The following CRYBG1 variants were observed in gnomAD, a reference collection of about 807,000 sequenced individuals.
CRYBG1 encodes the protein beta/gamma crystallin domain-containing protein 1.
CRYBG1 carries 139 observed loss-of-function variants against 189.2 expected under a neutral mutation model. That is an observed-to-expected ratio of 0.73 (90% CI 0.64 to 0.85). CRYBG1 has a LOEUF of 0.85. Among genes scored for constraint, CRYBG1 ranks in the 40% least tolerant of loss-of-function variants. CRYBG1 has a pLI of 0.00. For missense variants in CRYBG1, 2,611 were observed against 2,675.8 expected, an observed-to-expected ratio of 0.98 and a Z score of 0.53; for synonymous variants, 1,023 against 1,017.1, an observed-to-expected ratio of 1.01 and a Z score of -0.11.
At chr6:106,557,209 T>C (rs1774568987) in intron 17 of CRYBG1, among the ~76,000 whole-genome samples, 1 of 152,210 alleles carries the variant, frequency 6.6e-6, no homozygotes. Context: ...TTTTGTCTTC[T>C]TTCCTCCATG....
At chr6:106,496,770 T>C (rs1772860167) in intron 2 of CRYBG1, among the ~76,000 whole-genome samples, 1 of 152,222 alleles carries the variant, frequency 6.6e-6, no homozygotes, top group Non-Finnish European at 1.5e-5. Flanking sequence ...TTCTCTGTGA[T>C]ACAAGATAAA....
At chr6:106,471,400 G>A (rs773545343) in intron 2 of CRYBG1, among the ~76,000 whole-genome samples, 1 of 152,192 alleles carries the variant, frequency 6.6e-6, no homozygotes, top group Non-Finnish European at 1.5e-5. Context: ...TTCTTTGCAA[G>A]CATTTCAGAG....
In CRYBG1 at chr6:106,546,262, T is replaced by A. The variant is rs116412662; in HGVS notation, c.5312+1329T>A. On this transcript the variant is annotated intron_variant, in intron 13 of 21. Transcript: ENST00000633556. ...AACAGCAGATGGCTGTTATAGGGAG[T>A]TACATAATTATTCTTGTAATCCAGG... Among the ~76,000 whole-genome samples the A allele has an allele frequency of 5.6e-3, 853 of 152,236 alleles. 8 individuals carry two copies. The highest frequency in any genetic ancestry group is 0.02 in the African/African-American group (819 of 41,526).
At position 106,521,758 on chromosome 6, in the gene CRYBG1, G is replaced by A. The variant is rs563340583; in HGVS notation, c.4245+305G>A. Reference sequence around the variant, plus strand: ...TTTTGAGACAGAGTCTCGCTCTGTCGCCCAGGCTGGAGTGCAGTGGTGCAA... The same window carrying A: ...TTTTGAGACAGAGTCTCGCTCTGTCACCCAGGCTGGAGTGCAGTGGTGCAA... On this transcript the variant is annotated intron_variant, in intron 4 of 21. Transcript: ENST00000633556. Among the ~76,000 whole-genome samples the A allele has an allele frequency of 2.3e-3, 263 of 115,828 alleles. 1 individual carries two copies. The highest frequency in any genetic ancestry group is 3.4e-3 in the Non-Finnish European group (212 of 62,088). The allele number at this position is 115,828 out of a possible 152,430, so 76.0% of individuals were successfully genotyped here.
intron 7 of CRYBG1, 126 bp from the exon 8 acceptor site, chr6:106,530,050 C>T: frequency 4.8e-6 from 4 of 841,524 alleles, no homozygotes; most frequent in East Asian, 2.8e-5. Context: ...ATGGCAGGTG[C>T]TCTGTGAAAT....
At chr6:106,497,222 C>T (rs962693974) in intron 2 of CRYBG1, among the ~76,000 whole-genome samples, 4 of 151,854 alleles carry the variant, frequency 2.6e-5, no homozygotes, top group Non-Finnish European at 5.9e-5. Context: ...AAATTCCATA[C>T]GAGGGGAAAT....
intron 8 of CRYBG1, among the ~76,000 whole-genome samples, chr6:106,536,794 T>C (rs9320173): frequency 0.3 from 45,730 of 152,118 alleles, 7,197 homozygotes; most frequent in South Asian, 0.37. Flanking sequence ...GGCGAAAGCT[T>C]ATGACCCAAG....
rs551148562 is a variant in CRYBG1, at chr6:106,531,665, C to T, written c.4718+1350C>T. Among the ~76,000 whole-genome samples the T allele has an allele frequency of 5.3e-5, 8 of 150,930 alleles. 1 individual carries two copies. The highest frequency in any genetic ancestry group is 1.9e-4 in the African/African-American group (8 of 41,168). On this transcript the variant is annotated intron_variant, in intron 8 of 21. Coordinates refer to ENST00000633556, the MANE Select transcript of CRYBG1 (RefSeq NM_001371242.2). ...GACAGTTTGTTCATTTATTTATTTA[C>T]TTTTAACATTTTGAAATATAAGACA...
chr6:106,460,036 GT>G (rs1013042980), intron 2 of CRYBG1, among the ~76,000 whole-genome samples: 3 of 151,768 alleles, frequency 2.0e-5, no homozygotes, highest in Non-Finnish European at 4.4e-5. Context: ...TTGTTTGTTT[GT>G]TTTTTTGAGA....
intron 1 of CRYBG1, among the ~76,000 whole-genome samples, chr6:106,384,854 A>T (rs1770353296): frequency 6.9e-6 from 1 of 145,314 alleles, no homozygotes; most frequent in Non-Finnish European, 1.5e-5. Context: ...TCACAGATAC[A>T]TTCTTCCCAG....
chr6:106,491,555 G>A (rs771395181), intron 2 of CRYBG1, among the ~76,000 whole-genome samples: 1 of 152,062 alleles, frequency 6.6e-6, no homozygotes, highest in South Asian at 2.1e-4. Flanking sequence ...GAGCTCTCCA[G>A]TGCTCTTCCA....
At chr6:106,427,475 A>G (rs1582756423) in intron 1 of CRYBG1, among the ~76,000 whole-genome samples, 2 of 152,150 alleles carry the variant, frequency 1.3e-5, no homozygotes, top group East Asian at 1.9e-4. Context: ...TTCTGTCAGT[A>G]TCATTCTATC....
chr6:106,556,123 C>T (rs927989873), intron 17 of CRYBG1, among the ~76,000 whole-genome samples: 21 of 152,158 alleles, frequency 1.4e-4, no homozygotes, highest in African/African-American at 4.8e-4. Context: ...TCCCTATGGA[C>T]CTGAGTGGGA....
chr6:106,377,335 C>T (rs886454817), intron 1 of CRYBG1, among the ~76,000 whole-genome samples: 17 of 152,120 alleles, frequency 1.1e-4, no homozygotes, highest in African/African-American at 3.9e-4. Flanking sequence ...TGAACAATAA[C>T]CTTTTCTTAC....
chr6:106,551,232 CATAAGT>C (rs1774397555), intron 13 of CRYBG1, among the ~76,000 whole-genome samples: 1 of 152,014 alleles, frequency 6.6e-6, no homozygotes, highest in South Asian at 2.1e-4. Context: ...AGAACATGCT[CATAAGT>C]ATATGTTCTT....
rs946087163 is a variant in CRYBG1, at chr6:106,525,282, T to C, written c.4308T>C (p.Ser1436=). The C allele has an allele frequency of 2.5e-6, 4 of 1,614,130 alleles. No individual in the cohort carries two copies. The highest frequency in any genetic ancestry group is 1.7e-6 in the Non-Finnish European group (2 of 1,179,992). ...NPRPGKVVIY[S]EPDVSEKCIE... is the part of the protein sequence containing the mutation. Reference sequence around the variant, plus strand: ...TTTTCTTGCAGGTAGTGATATATAGTGAACCCGACGTCTCTGAGAAGTGCA... The same window carrying C: ...TTTTCTTGCAGGTAGTGATATATAGCGAACCCGACGTCTCTGAGAAGTGCA... Residue 1436 remains serine, a synonymous_variant, in exon 6 of 22, where the codon AGT becomes AGC. Transcript: ENST00000633556.
chr6:106,464,726 T>A (rs1404046665), intron 2 of CRYBG1, among the ~76,000 whole-genome samples: 1 of 152,222 alleles, frequency 6.6e-6, no homozygotes, highest in African/African-American at 2.4e-5. Context: ...GATTTTGCCC[T>A]TAGCTTTCGC....
chr6:106,387,517 T>C (rs748153280), intron 1 of CRYBG1, among the ~76,000 whole-genome samples: 14 of 152,204 alleles, frequency 9.2e-5, no homozygotes, highest in Non-Finnish European at 1.8e-4. Flanking sequence ...TCTTTTTTGC[T>C]CAACAGGTAC....
At chr6:106,518,976 CACACACACACACACAT>C (rs1161083388) in intron 3 of CRYBG1, among the ~76,000 whole-genome samples, 139 bp from the exon 4 acceptor site, 2 of 11,614 alleles carry the variant, frequency 1.7e-4, no homozygotes, top group Middle Eastern at 0.038. Flanking sequence ...CATGTGTGCG[CACACACACACACACAT>C]ACACACACAC....
Sources: gnomAD v4.1 joint callset for allele counts (sites outside exome capture counted in the v4.1 genomes callset) on GRCh38, gnomAD v4.1.1 for gene constraint, MANE v1.5 for transcripts, NCBI Gene and HGNC (gene_info 2026-07-23, HGNC 2026-07-21) for gene names.